AOPEP: variants seen among roughly 807,000 people sequenced by gnomAD.
AOPEP encodes aminopeptidase O.
Under a neutral mutation model 98.1 loss-of-function variants are expected in AOPEP, and 77 were observed. That is an observed-to-expected ratio of 0.78 (90% CI 0.65 to 0.95). AOPEP has a LOEUF of 0.95. Among genes scored for constraint, AOPEP ranks in the 40% least tolerant of loss-of-function variants. The pLI, the probability that AOPEP is intolerant of heterozygous loss-of-function variation, is 0.00. For missense variants in AOPEP, 1,024 were observed against 1,024.7 expected, an observed-to-expected ratio of 1.00 and a Z score of 0.01; for synonymous variants, 346 against 365.3, an observed-to-expected ratio of 0.95 and a Z score of 0.60.
chr9:94,862,572 G>A (rs939817822), intron 5 of AOPEP, among the ~76,000 whole-genome samples: 1 of 152,178 alleles, frequency 6.6e-6, no homozygotes, highest in African/African-American at 2.4e-5. Context: ...CCTTGAGGAT[G>A]CTCAGCCAGT....
At chr9:94,891,540 G>A (rs953557479) in intron 5 of AOPEP, among the ~76,000 whole-genome samples, 2 of 151,670 alleles carry the variant, frequency 1.3e-5, no homozygotes, top group African/African-American at 4.8e-5. Flanking sequence ...TTTTTTTAGT[G>A]GTTCTTTCAT....
At chr9:94,854,130 A>G (rs1470277503) in intron 5 of AOPEP, among the ~76,000 whole-genome samples, 1 of 152,230 alleles carries the variant, frequency 6.6e-6, no homozygotes, top group Non-Finnish European at 1.5e-5. Flanking sequence ...AAGAAAGGAC[A>G]AAAAGGACAT....
chr9:95,095,630 G>A, the AOPEP span, among the ~76,000 whole-genome samples: 1 of 152,156 alleles, frequency 6.6e-6, no homozygotes, highest in East Asian at 1.9e-4. Flanking sequence ...CTTTTGCGTT[G>A]GGCATGGAAA....
At chr9:95,143,560 T>A in the AOPEP span, among the ~76,000 whole-genome samples, 1 of 152,238 alleles carries the variant, frequency 6.6e-6, no homozygotes, top group Non-Finnish European at 1.5e-5. Context: ...TTTAGGAGCC[T>A]GGATGAAGAC....
Position 94,928,428 on chromosome 9 carries a change from G to T in AOPEP, c.1558G>T (p.Ala520Ser), listed in dbSNP as rs1300936592. The change falls in exon 7 of 17, where the codon GCC (alanine) becomes TCC (serine). Residue 520 changes from alanine (A) to serine (S), a missense_variant. Coordinates refer to ENST00000375315, the MANE Select transcript of AOPEP (RefSeq NM_001193329.3). ...DVFWATAQQL[A>S]PYEAREQQEL... ...CTGTGTGTCTGTGGCTGAGCAGCTG[G>T]CCCCCTATGAGGCCCGGGAGCAGCA... The T allele has an allele frequency of 1.3e-6, 2 of 1,546,730 alleles. No homozygotes were observed. Among genetic ancestry groups the T allele is most frequent in the Middle Eastern group, 1.7e-4 (1 of 6,006 alleles).
intron 10 of AOPEP, among the ~76,000 whole-genome samples, chr9:94,977,158 G>T (rs2059900845): frequency 6.6e-6 from 1 of 152,078 alleles, no homozygotes; most frequent in Non-Finnish European, 1.5e-5. Context: ...TGTGAAGATG[G>T]AGGTAAGACA....
rs1850031947 is a variant in AOPEP at position 94,809,649 on chromosome 9, A to G, written c.1364+8647A>G. ...TCACAGTTTGGTGCAGGAGGCCCCCATGCTTTTCTGTTTATAGACCTCTTT... is the reference window on the plus strand; with the variant it reads ...TCACAGTTTGGTGCAGGAGGCCCCCGTGCTTTTCTGTTTATAGACCTCTTT... On this transcript the variant is annotated intron_variant, in intron 5 of 16. Coordinates refer to ENST00000375315, the MANE Select transcript of AOPEP (RefSeq NM_001193329.3). Among the ~76,000 whole-genome samples, 4 of 152,338 alleles carry G rather than the reference A, an allele frequency of 2.6e-5. No individual in the cohort carries two copies. In the Middle Eastern group the frequency reaches 0.01, roughly 389 times the overall value.
chr9:95,047,982 G>T (rs1265574701), intron 13 of AOPEP, among the ~76,000 whole-genome samples: 1 of 152,170 alleles, frequency 6.6e-6, no homozygotes, highest in Non-Finnish European at 1.5e-5. Flanking sequence ...TGGGTGGTTT[G>T]TTGCTCTTTT....
intron 7 of AOPEP, chr9:94,932,824 T>C: frequency 1.0e-6 from 1 of 985,400 alleles, no homozygotes; most frequent in East Asian, 1.1e-4. Context: ...TTCCTTTGTA[T>C]CCGATGTGTC....
chr9:95,096,094 T>A, the AOPEP span, among the ~76,000 whole-genome samples: 409 of 152,102 alleles, frequency 2.7e-3, 2 homozygotes, highest in Non-Finnish European at 4.6e-3. Context: ...AACACACAGA[T>A]CCCAGAACGA....
chr9:94,895,062 G>A (rs933668567), intron 5 of AOPEP, among the ~76,000 whole-genome samples: 9 of 151,940 alleles, frequency 5.9e-5, no homozygotes, highest in African/African-American at 2.2e-4. Context: ...GTTTGTGTGT[G>A]TGTGTATTTG....
the AOPEP span, chr9:95,101,712 C>CTTGAG: frequency 5.6e-6 from 9 of 1,613,980 alleles, no homozygotes; most frequent in Non-Finnish European, 7.6e-6. Flanking sequence ...GCCTTCTAGA[C>CTTGAG]TTGAGTTCGC....
intron 5 of AOPEP, among the ~76,000 whole-genome samples, chr9:94,885,571 C>T (rs1375794153): frequency 2.0e-5 from 3 of 152,040 alleles, no homozygotes. Flanking sequence ...CTAGAACTCA[C>T]ATGGCCACAG....
chr9:95,005,315 G>A (rs1589235570), intron 12 of AOPEP, 95 bp downstream of exon 12: 24 of 765,036 alleles, frequency 3.1e-5, no homozygotes, highest in East Asian at 2.7e-4. Context: ...GCGCGCGGGT[G>A]CGGGGACTAC....
At chr9:94,927,425 A>G (rs568911421) in intron 6 of AOPEP, among the ~76,000 whole-genome samples, 1 of 152,262 alleles carries the variant, frequency 6.6e-6, no homozygotes, top group African/African-American at 2.4e-5. Flanking sequence ...TCCCTCCCAG[A>G]ATGGTAGTCT....
intron 3 of AOPEP, among the ~76,000 whole-genome samples, chr9:94,790,118 G>A (rs1415712614): frequency 1.3e-5 from 2 of 151,338 alleles, no homozygotes; most frequent in African/African-American, 4.9e-5. Context: ...CTCGTGATCC[G>A]CCCGCCTCGG....
chr9:95,082,484 T>C, intron 15 of AOPEP, 91 bp from the exon 16 acceptor site: 2 of 1,389,728 alleles, frequency 1.4e-6, no homozygotes, highest in Non-Finnish European at 9.8e-7. Flanking sequence ...CCAGCAAGTG[T>C]GTGTGGAACA....
At chr9:95,116,168 A>G in the AOPEP span, among the ~76,000 whole-genome samples, 1 of 152,228 alleles carries the variant, frequency 6.6e-6, no homozygotes. Context: ...AAACTGAGAC[A>G]CTAACAACTC....
intron 5 of AOPEP, among the ~76,000 whole-genome samples, chr9:94,820,794 ACTTTTGCGTAG>A (rs1852902173): frequency 1.3e-5 from 2 of 152,204 alleles, no homozygotes; most frequent in Admixed American, 6.5e-5. Flanking sequence ...GAATATCAGC[ACTTTTGCGTAG>A]CTCACTGATA....
Sources: gnomAD v4.1 joint callset for allele counts (sites outside exome capture counted in the v4.1 genomes callset) on GRCh38, gnomAD v4.1.1 for gene constraint, MANE v1.5 for transcripts, NCBI Gene and HGNC (gene_info 2026-07-23, HGNC 2026-07-21) for gene names.